Variants in SPACA7 observed in about 807,000 individuals in gnomAD.
The protein encoded by SPACA7 is sperm acrosome associated 7.
Under a neutral mutation model 26.3 loss-of-function variants are expected in SPACA7, and 19 were observed. The observed-to-expected ratio is 0.72, with a 90% confidence interval of 0.50 to 1.06. The LOEUF (loss-of-function observed/expected upper bound fraction) is 1.06, where lower values mean the gene tolerates loss of function less well. Ranked by LOEUF, SPACA7 falls within the 50% of genes least tolerant of loss-of-function variation. The pLI, the probability that SPACA7 is intolerant of heterozygous loss-of-function variation, is 0.00. For missense variants in SPACA7, 211 were observed against 229.9 expected, an observed-to-expected ratio of 0.92 and a Z score of 0.53; for synonymous variants, 84 against 84.5, an observed-to-expected ratio of 0.99 and a Z score of 0.04.
intron 5 of SPACA7, among the ~76,000 whole-genome samples, chr13:112,414,402 T>A (rs1886551837): frequency 1.3e-5 from 1 of 77,530 alleles, no homozygotes; most frequent in South Asian, 6.3e-4. Flanking sequence ...TTTTTTTTTT[T>A]TTTTTTTTTT....
At chr13:112,420,283 C>A (rs1258622942) in intron 5 of SPACA7, among the ~76,000 whole-genome samples, 1 of 149,602 alleles carries the variant, frequency 6.7e-6, no homozygotes, top group Non-Finnish European at 1.5e-5. Context: ...GATGTTGGAA[C>A]TATCAGACAA....
At chr13:112,378,638 C>T (rs904056506) in intron 1 of SPACA7, 10 of 469,752 alleles carry the variant, frequency 2.1e-5, no homozygotes, top group Admixed American at 1.6e-4. Context: ...TTCTCTCTTC[C>T]GAAGGTCTCG....
intron 2 of SPACA7, among the ~76,000 whole-genome samples, chr13:112,394,068 A>G (rs1208003754): frequency 6.6e-6 from 1 of 152,006 alleles, no homozygotes; most frequent in Non-Finnish European, 1.5e-5. Context: ...ATCAGTGTCA[A>G]ATTACTAGTG....
At chr13:112,404,477 G>T (rs1885847657) in intron 5 of SPACA7, among the ~76,000 whole-genome samples, 1 of 152,194 alleles carries the variant, frequency 6.6e-6, no homozygotes, top group South Asian at 2.1e-4. Context: ...TCTTGCTCAT[G>T]AAGTCTTTGC....
intron 1 of SPACA7, among the ~76,000 whole-genome samples, chr13:112,377,543 A>G (rs1883773338): frequency 6.6e-6 from 1 of 152,186 alleles, no homozygotes; most frequent in East Asian, 1.9e-4. Flanking sequence ...AAATAATCAA[A>G]GATGGAGGGT....
intron 5 of SPACA7, among the ~76,000 whole-genome samples, chr13:112,430,202 G>GTGTGTGTGTGTA (rs1876959989): frequency 3.3e-5 from 5 of 151,904 alleles, no homozygotes; most frequent in African/African-American, 1.2e-4. Context: ...GTGTGTGTGT[G>GTGTGTGTGTGTA]TGTGTGTCTC....
intron 5 of SPACA7, among the ~76,000 whole-genome samples, chr13:112,424,284 G>A (rs1168396081): frequency 6.6e-6 from 1 of 152,186 alleles, no homozygotes; most frequent in African/African-American, 2.4e-5. Context: ...AGATTCCCCT[G>A]TCACTGCCGT....
At chr13:112,399,340 G>A (rs998966216) in intron 4 of SPACA7, among the ~76,000 whole-genome samples, 167 bp downstream of exon 4, 1 of 152,242 alleles carries the variant, frequency 6.6e-6, no homozygotes, top group African/African-American at 2.4e-5. Context: ...TGTCGGGGCT[G>A]AGGGACCCCC....
At chr13:112,434,401 C>T (rs1230078378) in intron 6 of SPACA7, 84 bp from the exon 7 acceptor site, 19 of 1,175,852 alleles carry the variant, frequency 1.6e-5, no homozygotes, top group East Asian at 2.5e-5. Context: ...TCCTCCTGTC[C>T]CCTGGTGTCC....
At chr13:112,431,069 A>G (rs749268881) in intron 5 of SPACA7, among the ~76,000 whole-genome samples, 15 of 152,230 alleles carry the variant, frequency 9.9e-5, no homozygotes, top group Non-Finnish European at 2.2e-4. Context: ...GTGAGGACCA[A>G]CCACCGGAAA....
chr13:112,434,596 C>G lies in SPACA7; in HGVS notation c.*47C>G. 1.3e-6 allele frequency: 2 copies of G among 1,481,664 alleles called. No homozygotes were observed. Among genetic ancestry groups the G allele is most frequent in the Non-Finnish European group, 1.9e-6 (2 of 1,080,032 alleles). 91.8% of individuals were successfully genotyped at this position (1,481,664 alleles called of 1,614,324 possible). A position where few individuals can be genotyped will look rare whatever the true frequency, so the allele number is the denominator to read the frequency against. ...GCGCAGGAGAGGAGCCTGCTAGAACCCCCACCCACCAGCCTCCGGAACAGG... is the reference window on the plus strand; with the variant it reads ...GCGCAGGAGAGGAGCCTGCTAGAACGCCCACCCACCAGCCTCCGGAACAGG... On this transcript the variant is annotated 3_prime_UTR_variant, in exon 7 of 7. Coordinates refer to ENST00000283550, the MANE Select transcript of SPACA7 (RefSeq NM_145248.5).
At chr13:112,395,895 C>T (rs906752477) in intron 2 of SPACA7, among the ~76,000 whole-genome samples, 1 of 152,202 alleles carries the variant, frequency 6.6e-6, no homozygotes, top group Non-Finnish European at 1.5e-5. Flanking sequence ...GTTCCACCTG[C>T]TGGCTTCATC....
At chr13:112,406,140 C>T (rs1421677145) in intron 5 of SPACA7, among the ~76,000 whole-genome samples, 1 of 152,130 alleles carries the variant, frequency 6.6e-6, no homozygotes, top group Non-Finnish European at 1.5e-5. Flanking sequence ...CTGTACAGTT[C>T]CATGATGTTA....
At position 112,433,787 on chromosome 13, in the gene SPACA7, A is replaced by G. The variant is rs56360901; in HGVS notation, c.524-698A>G. Among the ~76,000 whole-genome samples, 1,219 of 149,136 alleles carry G rather than the reference A, an allele frequency of 8.2e-3. 7 individuals carry two copies. The highest frequency in any genetic ancestry group is 0.053 in the East Asian group (253 of 4,772). On this transcript the variant is annotated intron_variant, in intron 6 of 6. Transcript: ENST00000283550. ...TCTGCTCGTGCCCCCAGCAGCAGGG[A>G]CCAGGCCAACACACGCGGTGTAGAA...
rs1476677074 is a variant in SPACA7 at position 112,421,801 on chromosome 13, C to T, written c.446-10643C>T. Among the ~76,000 whole-genome samples the T allele has an allele frequency of 4.0e-4, 61 of 152,134 alleles. 1 individual carries two copies. On this transcript the variant is annotated intron_variant, in intron 5 of 6. Coordinates refer to ENST00000283550, the MANE Select transcript of SPACA7 (RefSeq NM_145248.5). ...GCCATTAAAAAGAATGAAATTATGT[C>T]CTTTGCAGGGACATGGATGGAGCTG...
chr13:112,403,802 A>G (rs1885799496), intron 5 of SPACA7, among the ~76,000 whole-genome samples: 6 of 152,160 alleles, frequency 3.9e-5, no homozygotes, highest in Admixed American at 2.6e-4. Context: ...TATATACCAC[A>G]ATTTCTTTAT....
At chr13:112,402,527 C>T (rs9324296) in intron 5 of SPACA7, among the ~76,000 whole-genome samples, 99,868 of 152,046 alleles carry the variant, frequency 0.66, 33,326 homozygotes, top group African/African-American at 0.78. Context: ...CATTGATGTC[C>T]CTTGCCTAAT....
chr13:112,393,008 T>G lies in SPACA7; in HGVS notation c.95-13T>G, dbSNP rs746244856. Reference sequence around the variant, plus strand: ...GAACATTGTTAAACTGTAGGGTTTTTATTTCCTTCTAGGTTCACCTACTGA... The same window carrying G: ...GAACATTGTTAAACTGTAGGGTTTTGATTTCCTTCTAGGTTCACCTACTGA... On this transcript the variant is annotated splice_polypyrimidine_tract_variant and intron_variant, in intron 1 of 6. Coordinates refer to ENST00000283550, the MANE Select transcript of SPACA7 (RefSeq NM_145248.5). 1.2e-6 allele frequency: 2 copies of G among 1,607,182 alleles called. No individual in the cohort carries two copies. The highest frequency in any genetic ancestry group is 1.7e-6 in the Non-Finnish European group (2 of 1,175,146).
chr13:112,398,412 C>T (rs2296892), intron 3 of SPACA7, among the ~76,000 whole-genome samples: 12,052 of 151,732 alleles, frequency 0.079, 1,014 homozygotes, highest in East Asian at 0.28. Context: ...TCGGGAGCCA[C>T]TGCAGGAACA....
Sources: allele counts gnomAD v4.1 joint callset (sites outside exome capture counted in the v4.1 genomes callset), GRCh38; gene constraint gnomAD v4.1.1; transcripts MANE v1.5; gene names NCBI Gene and HGNC (gene_info 2026-07-23, HGNC 2026-07-21).